UGT1A3: variants seen among roughly 807,000 people sequenced by gnomAD.
The protein encoded by UGT1A3 is UDP-glucuronosyltransferase 1A3.
A neutral mutation model predicts 41.0 loss-of-function variants in UGT1A3; 31 were observed. That is an observed-to-expected ratio of 0.76 (90% CI 0.57 to 1.02). The LOEUF (loss-of-function observed/expected upper bound fraction) is 1.02. Among genes scored for constraint, UGT1A3 ranks in the 50% least tolerant of loss-of-function variants. The pLI, the probability that UGT1A3 is intolerant of heterozygous loss-of-function variation, is 0.00. For synonymous variants in UGT1A3, 262 were observed against 257.6 expected (o/e 1.02, Z -0.17); for missense variants, 737 against 671.0 (o/e 1.10, Z -1.09).
intron 1 of UGT1A3, among the ~76,000 whole-genome samples, chr2:233,756,600 G>A (rs1331506160): frequency 6.6e-6 from 1 of 152,122 alleles, no homozygotes; most frequent in Non-Finnish European, 1.5e-5. Flanking sequence ...TTACTGTATC[G>A]AAACCATTAA....
At position 233,747,735 on chromosome 2, in the gene UGT1A3, A is replaced by G. The variant is rs890289369; in HGVS notation, c.867+17742A>G. 5 of 1,613,242 alleles carry G rather than the reference A, an allele frequency of 3.1e-6. No individual in the cohort carries two copies. The African/African-American group carries it at 4.0e-5, about 13-fold the overall frequency. On this transcript the variant is annotated intron_variant, in intron 1 of 4. Coordinates refer to ENST00000482026, the MANE Select transcript of UGT1A3 (RefSeq NM_019093.4). ...AATTCCTGCTGTGTTTTTTTTGAGGAACATTCCATGTGATTTAGACTTTAA... is the reference window on the plus strand; with the variant it reads ...AATTCCTGCTGTGTTTTTTTTGAGGGACATTCCATGTGATTTAGACTTTAA...
chr2:233,743,894 A>G, intron 1 of UGT1A3: 2 of 1,366,966 alleles, frequency 1.5e-6, no homozygotes, highest in Non-Finnish European at 9.8e-7. Context: ...GGGCACGTCC[A>G]GCACCTCGTA....
Position 233,729,188 on chromosome 2 carries a change from G to A in UGT1A3, c.62G>A (p.Ser21Asn). ...GCCACAGGACTGCTGCTTCTCCTCA[G>A]TGTCCAGCCCTGGGCTGAGAGTGGA... ...WLATGLLLLLSVQPWAESGKV... is the reference protein window; with the variant it reads ...WLATGLLLLLNVQPWAESGKV... Residue 21 changes from serine to asparagine, a missense_variant, in exon 1 of 5, where the codon AGT (serine) becomes AAT (asparagine). By Grantham distance (46) the Ser-to-Asn change is conservative (BLOSUM62 1). Coordinates refer to ENST00000482026, the MANE Select transcript of UGT1A3 (RefSeq NM_019093.4). 2.5e-6 allele frequency: 4 copies of A among 1,613,988 alleles called. No homozygotes were observed. The highest frequency in any genetic ancestry group is 3.4e-6 in the Non-Finnish European group (4 of 1,179,916).
At chr2:233,743,773 C>A (rs367921172) in intron 1 of UGT1A3, 4 of 1,367,248 alleles carry the variant, frequency 2.9e-6, no homozygotes, top group African/African-American at 1.5e-5. Context: ...CCTCGGCCAC[C>A]TGCTTGAATC....
intron 1 of UGT1A3, among the ~76,000 whole-genome samples, chr2:233,748,668 G>C (rs1413455817): frequency 6.6e-6 from 1 of 151,746 alleles, no homozygotes; most frequent in East Asian, 1.9e-4. Context: ...TTCCAGAGAG[G>C]GATCTGTGCT....
Position 233,750,543 on chromosome 2 carries a change from C to T in UGT1A3, c.868-16491C>T, listed in dbSNP as rs1193971718. On this transcript the variant is annotated intron_variant, in intron 1 of 4. Transcript: ENST00000482026. ...CAATGGGGAAAATGGCTTCAGTGCACATCAGAGACCTTTGCAGCAGACCCT... is the reference window on the plus strand; with the variant it reads ...CAATGGGGAAAATGGCTTCAGTGCATATCAGAGACCTTTGCAGCAGACCCT... 4 of 151,966 alleles carry T rather than the reference C, an allele frequency of 2.6e-5. 1 individual carries two copies. The highest frequency in any genetic ancestry group is 9.7e-5 in the African/African-American group (4 of 41,180). The allele number at this position is 151,966 out of a possible 1,614,324, so 9.4% of individuals were successfully genotyped here. A position where few individuals can be genotyped will look rare whatever the true frequency, so the allele number is the denominator to read the frequency against.
chr2:233,767,788 G>T, intron 2 of UGT1A3, 61 bp from the exon 3 acceptor site: 1 of 1,613,882 alleles, frequency 6.2e-7, no homozygotes, highest in Non-Finnish European at 8.5e-7. Flanking sequence ...TAGTATAGCA[G>T]ATTTGTTTTC....
chr2:233,733,569 G>C (rs1217619334), intron 1 of UGT1A3, among the ~76,000 whole-genome samples: 1 of 152,186 alleles, frequency 6.6e-6, no homozygotes, highest in East Asian at 1.9e-4. Context: ...AAATAATCAT[G>C]TGGTTTGTCA....
intron 1 of UGT1A3, among the ~76,000 whole-genome samples, chr2:233,732,023 C>A (rs1433025634): frequency 6.6e-6 from 1 of 152,226 alleles, no homozygotes; most frequent in Non-Finnish European, 1.5e-5. Context: ...ATTTGCATTT[C>A]TCTGATGACC....
chr2:233,772,520 A>C lies in UGT1A3; in HGVS notation c.1566A>C (p.Lys522Asn). The change falls in exon 5 of 5, where the codon AAA (lysine) becomes AAC (asparagine). Residue 522 changes from lysine (K) to asparagine (N), a missense_variant. Coordinates refer to ENST00000482026, the MANE Select transcript of UGT1A3 (RefSeq NM_019093.4). ...AYGYRKCLGK[K>N]GRVKKAHKSK... is the part of the protein sequence containing the mutation. ...GCTACCGGAAATGCTTGGGGAAAAA[A>C]GGGCGAGTTAAGAAAGCCCACAAAT... 1.2e-6 allele frequency: 2 copies of C among 1,614,206 alleles called. No individual in the cohort carries two copies. Among genetic ancestry groups the C allele is most frequent in the Non-Finnish European group, 1.7e-6 (2 of 1,180,032 alleles).
chr2:233,734,123 A>ATAAT (rs1384319848), intron 1 of UGT1A3, among the ~76,000 whole-genome samples: 1 of 151,918 alleles, frequency 6.6e-6, no homozygotes, highest in Non-Finnish European at 1.5e-5. Context: ...AATAATAATA[A>ATAAT]AAAGAATTTG....
Position 233,756,787 on chromosome 2 carries a change from G to A in UGT1A3, c.868-10247G>A, listed in dbSNP as rs1029492896. Among the ~76,000 whole-genome samples the A allele has an allele frequency of 9.9e-5, 15 of 151,900 alleles. No individual in the cohort carries two copies. The East Asian group carries it at 1.2e-3, about 12-fold the overall frequency. On this transcript the variant is annotated intron_variant, in intron 1 of 4. Coordinates refer to ENST00000482026, the MANE Select transcript of UGT1A3 (RefSeq NM_019093.4). ...GGATTCTTTGCTTTGATAAATTGTG[G>A]GGCAATACACTAGTAAAGGTCACTC... is the stretch of plus-strand genomic sequence containing the variant.
At chr2:233,741,386 A>C (rs1288438490) in intron 1 of UGT1A3, 1 of 151,760 alleles carries the variant, frequency 6.6e-6, no homozygotes, top group Non-Finnish European at 1.5e-5. Flanking sequence ...CCTTTCTACC[A>C]CTTTGAAACT....
intron 1 of UGT1A3, among the ~76,000 whole-genome samples, chr2:233,757,560 A>ATATATATATATATATATATATATG (rs904896556): frequency 5.7e-5 from 7 of 123,150 alleles, no homozygotes; most frequent in African/African-American, 2.4e-4. Context: ...ATATATATAT[A>ATATATATATATATATATATATATG]TGTATATATG....
chr2:233,729,609 G>C lies in UGT1A3; in HGVS notation c.483G>C (p.Leu161=). ...CCGTTAACCTCTGCGCGGCAGTGCT[G>C]GCTAAGTACCTGTCGATTCCTACTG... ...TDPVNLCAAV[L]AKYLSIPTVF... is the part of the protein sequence containing the mutation. The change falls in exon 1 of 5, where the codon CTG becomes CTC. Residue 161 remains leucine, a synonymous_variant. Transcript: ENST00000482026. 1 of 1,613,988 alleles carries C rather than the reference G, an allele frequency of 6.2e-7. No individual in the cohort carries two copies.
chr2:233,747,463 G>A lies in UGT1A3; in HGVS notation c.867+17470G>A, dbSNP rs564672570. 1.6e-5 allele frequency: 25 copies of A among 1,608,790 alleles called. No homozygotes were observed. The South Asian group carries it at 2.7e-4, about 18-fold the overall frequency. ...ACCCTGACAACCTATGCCATTTCAT[G>A]GACCCAGGATGAATTTGATCGCCTT... On this transcript the variant is annotated intron_variant, in intron 1 of 4. Coordinates refer to ENST00000482026, the MANE Select transcript of UGT1A3 (RefSeq NM_019093.4).
chr2:233,743,154 T>C (rs3796088), intron 1 of UGT1A3: 32,247 of 360,776 alleles, frequency 0.089, 2,110 homozygotes, highest in East Asian at 0.21. Context: ...CCGCTATTCC[T>C]CCAGATGTGC....
chr2:233,754,974 ACCTCGG>A (rs1369157258), intron 1 of UGT1A3: 6 of 1,299,856 alleles, frequency 4.6e-6, no homozygotes, highest in Non-Finnish European at 6.2e-6. Context: ...CTCCCTGAAG[ACCTCGG>A]CGGGGTCACG....
intron 1 of UGT1A3, chr2:233,747,201 G>A: frequency 3.7e-6 from 6 of 1,604,878 alleles, no homozygotes; most frequent in Non-Finnish European, 4.3e-6. Flanking sequence ...AGCTGTCCGT[G>A]TCTTCTGCTG....
Sources: gnomAD v4.1 joint callset for allele counts (sites outside exome capture counted in the v4.1 genomes callset) on GRCh38, gnomAD v4.1.1 for gene constraint, MANE v1.5 for transcripts, NCBI Gene and HGNC (gene_info 2026-07-23, HGNC 2026-07-21) for gene names.